SCLT1: variants seen among roughly 807,000 people sequenced by gnomAD.
SCLT1 encodes sodium channel-associated protein 1.
A neutral mutation model predicts 112.8 loss-of-function variants in SCLT1; 78 were observed. That is an observed-to-expected ratio of 0.69 (90% CI 0.58 to 0.83). SCLT1 has a LOEUF of 0.83. Ranked by LOEUF, SCLT1 falls within the 40% of genes least tolerant of loss-of-function variation. The pLI is 0.00. For synonymous variants in SCLT1, 257 were observed against 254.7 expected, an observed-to-expected ratio of 1.01 and a Z score of -0.09; for missense variants, 747 against 770.4, an observed-to-expected ratio of 0.97 and a Z score of 0.36.
intron 18 of SCLT1, among the ~76,000 whole-genome samples, chr4:128,928,203 A>C (rs1454125097): frequency 1.3e-5 from 2 of 152,246 alleles, no homozygotes; most frequent in South Asian, 2.1e-4. Flanking sequence ...TATTCAAGGA[A>C]TAAACACTTC....
At chr4:128,913,029 AAG>A (rs1579357415) in intron 18 of SCLT1, among the ~76,000 whole-genome samples, 1 of 152,222 alleles carries the variant, frequency 6.6e-6, no homozygotes, top group East Asian at 1.9e-4. Flanking sequence ...TTTAAAAGCC[AAG>A]ATTTCACTTA....
chr4:129,060,715 T>G (rs1749889374), intron 2 of SCLT1, among the ~76,000 whole-genome samples: 2 of 152,162 alleles, frequency 1.3e-5, no homozygotes, highest in South Asian at 4.1e-4. Flanking sequence ...TATATTTAAT[T>G]TCACCACAAT....
chr4:128,945,348 G>A (rs567686798), intron 16 of SCLT1, among the ~76,000 whole-genome samples: 162 of 152,098 alleles, frequency 1.1e-3, no homozygotes, highest in Non-Finnish European at 2.0e-3. Context: ...TCCTCCTGCA[G>A]GTTTGATCTG....
intron 5 of SCLT1, among the ~76,000 whole-genome samples, chr4:129,010,351 T>C (rs1466173155): frequency 3.3e-5 from 5 of 152,220 alleles, no homozygotes; most frequent in Non-Finnish European, 7.3e-5. Context: ...GGCAGCATGA[T>C]GTCTCCAGCT....
chr4:129,001,834 GATAA>G (rs1743515456), intron 6 of SCLT1, among the ~76,000 whole-genome samples: 1 of 151,958 alleles, frequency 6.6e-6, no homozygotes, highest in South Asian at 2.1e-4. Flanking sequence ...TGATAATAAT[GATAA>G]ATAGGCAAAT....
chr4:129,036,578 T>C (rs956741577), intron 5 of SCLT1: 5 of 151,600 alleles, frequency 3.3e-5, no homozygotes, highest in Non-Finnish European at 5.9e-5. Context: ...CAAAAATAAA[T>C]GAGAAAAACT....
At chr4:129,017,003 G>T (rs936807560) in intron 5 of SCLT1, among the ~76,000 whole-genome samples, 1 of 152,116 alleles carries the variant, frequency 6.6e-6, no homozygotes, top group Non-Finnish European at 1.5e-5. Context: ...AAATGACAAA[G>T]TGTTCTGCAT....
intron 7 of SCLT1, among the ~76,000 whole-genome samples, chr4:128,998,491 T>C (rs753317533): frequency 6.6e-6 from 1 of 151,762 alleles, no homozygotes; most frequent in Non-Finnish European, 1.5e-5. Context: ...ATTAAATAGA[T>C]AACCAGGGAA....
rs551469980 is a variant in SCLT1 at position 128,978,910 on chromosome 4, A to G, written c.687-8442T>C. On this transcript the variant is annotated intron_variant, in intron 9 of 20. Transcript: ENST00000281142. ...ACAATATAATAGAAAGAGGAGAAAGAAAGAAATGGTTACTCTGGTCCTAGA... is the reference window on the plus strand; with the variant it reads ...ACAATATAATAGAAAGAGGAGAAAGGAAGAAATGGTTACTCTGGTCCTAGA... Among the ~76,000 whole-genome samples the G allele has an allele frequency of 2.0e-5, 3 of 152,268 alleles. 1 individual carries two copies. The South Asian group carries it at 6.2e-4, about 32-fold the overall frequency.
intron 4 of SCLT1, chr4:128,874,498 CAAAAA>C (rs1263092292): frequency 9.2e-6 from 1 of 108,912 alleles, no homozygotes; most frequent in Non-Finnish European, 1.7e-5. Context: ...AAAAACAAAA[CAAAAA>C]ATATTAAAAA....
rs144816331 is a variant in SCLT1, at chr4:128,925,979, C to T, written c.1829+10676G>A. On this transcript the variant is annotated intron_variant, in intron 18 of 20. Coordinates refer to ENST00000281142, the MANE Select transcript of SCLT1 (RefSeq NM_144643.4). ...AAATCACTAAGAATATTTACAATGG[C>T]TGGTTTAAAGTTCTCATGTTTTAAT... Among the ~76,000 whole-genome samples, 623 of 151,798 alleles carry T rather than the reference C, an allele frequency of 4.1e-3. 4 individuals are homozygous for T. Among genetic ancestry groups the T allele is most frequent in the Middle Eastern group, 6.8e-3 (2 of 294 alleles).
intron 9 of SCLT1, among the ~76,000 whole-genome samples, chr4:128,990,824 C>G (rs1309736859): frequency 1.3e-5 from 2 of 149,320 alleles, no homozygotes; most frequent in East Asian, 3.9e-4. Flanking sequence ...GAAAGTAATC[C>G]CATTTACAAT....
intron 18 of SCLT1, among the ~76,000 whole-genome samples, chr4:128,900,438 A>G (rs1734180503): frequency 6.6e-6 from 1 of 152,146 alleles, no homozygotes; most frequent in Admixed American, 6.5e-5. Flanking sequence ...AGGATTCCCT[A>G]TTTAATAAAT....
intron 1 of SCLT1, among the ~76,000 whole-genome samples, chr4:129,087,817 C>T (rs1413113052): frequency 6.7e-6 from 1 of 148,834 alleles, no homozygotes; most frequent in East Asian, 2.0e-4. Flanking sequence ...ATAGGTTGGG[C>T]ATGATAGCTC....
chr4:129,021,006 A>C (rs1745421675), intron 5 of SCLT1, among the ~76,000 whole-genome samples: 1 of 152,182 alleles, frequency 6.6e-6, no homozygotes, highest in African/African-American at 2.4e-5. Flanking sequence ...GCTCCCAGCA[A>C]GACCAACGCA....
At chr4:128,983,204 A>G (rs1398370422) in intron 9 of SCLT1, among the ~76,000 whole-genome samples, 1 of 152,202 alleles carries the variant, frequency 6.6e-6, no homozygotes. Flanking sequence ...TAGTCTTTAT[A>G]GTACATCCTT....
At chr4:129,090,422 T>A (rs1488621117) in intron 1 of SCLT1, among the ~76,000 whole-genome samples, 1 of 152,176 alleles carries the variant, frequency 6.6e-6, no homozygotes, top group African/African-American at 2.4e-5. Flanking sequence ...GTGGCCTGGA[T>A]CCTTACCTCA....
chr4:129,075,727 A>T (rs993156604), intron 2 of SCLT1, among the ~76,000 whole-genome samples: 1 of 152,198 alleles, frequency 6.6e-6, no homozygotes, highest in Non-Finnish European at 1.5e-5. Context: ...GATCTACTGG[A>T]CAGTGCCGGT....
chr4:128,916,466 T>C (rs1300847658), intron 18 of SCLT1, among the ~76,000 whole-genome samples: 2 of 152,186 alleles, frequency 1.3e-5, no homozygotes, highest in African/African-American at 4.8e-5. Flanking sequence ...TGACCCAAAA[T>C]ATCTGCCAAG....
Sources: allele counts gnomAD v4.1 joint callset (sites outside exome capture counted in the v4.1 genomes callset), GRCh38; gene constraint gnomAD v4.1.1; transcripts MANE v1.5; gene names NCBI Gene and HGNC (gene_info 2026-07-23, HGNC 2026-07-21).